The following DGKH variants were observed in gnomAD, a reference collection of about 807,000 sequenced individuals.
DGKH encodes diacylglycerol kinase eta, also known as DAG kinase eta.
A neutral mutation model predicts 159.3 loss-of-function variants in DGKH; 90 were observed. The observed-to-expected ratio is 0.57, with a 90% CI of 0.48 to 0.67. The LOEUF is 0.67. Ranked by LOEUF, DGKH falls within the 30% of genes least tolerant of loss-of-function variation. The pLI, the probability that DGKH is intolerant of heterozygous loss-of-function variation, is 0.00. For synonymous variants in DGKH, 536 were observed against 553.8 expected, an observed-to-expected ratio of 0.97 and a Z score of 0.45; for missense variants, 1,181 against 1,506.1, an observed-to-expected ratio of 0.78 and a Z score of 3.57.
chr13:42,091,096 C>T (rs1186525579), intron 1 of DGKH, among the ~76,000 whole-genome samples: 2 of 152,090 alleles, frequency 1.3e-5, no homozygotes, highest in Non-Finnish European at 2.9e-5. Flanking sequence ...TTTGTTATAG[C>T]AGCACAAATA....
At chr13:42,090,511 A>G (rs1954395747) in intron 1 of DGKH, among the ~76,000 whole-genome samples, 1 of 152,220 alleles carries the variant, frequency 6.6e-6, no homozygotes, top group Non-Finnish European at 1.5e-5. Flanking sequence ...TATAAACTAC[A>G]ATAATGCAAA....
In DGKH at chr13:42,155,284, CT is replaced by C; in HGVS notation, c.385-4del. On this transcript the variant is annotated splice_polypyrimidine_tract_variant and splice_region_variant and intron_variant, in intron 3 of 29. Transcript: ENST00000337343. Reference sequence around the variant, plus strand: ...TAACAATCATTAGATTGAATTATCCCTTTCAGATCATCACTCCATTCAGAAG... The same window carrying C: ...TAACAATCATTAGATTGAATTATCCCTTCAGATCATCACTCCATTCAGAAG... 6.3e-7 allele frequency: 1 copy of C among 1,583,660 alleles called. No homozygotes were observed. Among genetic ancestry groups the C allele is most frequent in the Non-Finnish European group, 8.5e-7 (1 of 1,170,218 alleles).
At chr13:42,051,028 G>C (rs928660266) in intron 1 of DGKH, among the ~76,000 whole-genome samples, 6 of 152,204 alleles carry the variant, frequency 3.9e-5, no homozygotes, top group Admixed American at 6.5e-5. Context: ...AATTTGTTGG[G>C]AGTACCACTG....
chr13:42,077,481 TAA>T (rs762149512), intron 1 of DGKH, among the ~76,000 whole-genome samples: 70 of 152,140 alleles, frequency 4.6e-4, no homozygotes, highest in Non-Finnish European at 8.7e-4. Context: ...CAAGAAAGAA[TAA>T]AGTCATTTAT....
intron 13 of DGKH, chr13:42,181,673 AC>A: frequency 2.5e-6 from 1 of 401,122 alleles, no homozygotes; most frequent in Non-Finnish European, 5.1e-6. Flanking sequence ...TGTTTAAGCC[AC>A]CCCATTCCCA....
chr13:42,151,785 A>T (rs1955911638), intron 3 of DGKH, among the ~76,000 whole-genome samples: 1 of 151,822 alleles, frequency 6.6e-6, no homozygotes, highest in Non-Finnish European at 1.5e-5. Context: ...TAATATAATG[A>T]TTTCTTTTCC....
chr13:42,219,227 T>C lies in DGKH; in HGVS notation c.3214-3T>C, dbSNP rs752303293. 1.2e-6 allele frequency: 2 copies of C among 1,613,458 alleles called. No homozygotes were observed. Among genetic ancestry groups the C allele is most frequent in the South Asian group, 2.2e-5 (2 of 90,914 alleles). On this transcript the variant is annotated splice_region_variant and splice_polypyrimidine_tract_variant and intron_variant, in intron 26 of 29. Transcript: ENST00000337343. ...TTTTGTCTTTTAATCTGCTGGTAAA[T>C]AGCAGCTGGAATCGCCACATGAAGA...
At chr13:42,129,443 A>C (rs1955242535) in intron 2 of DGKH, 109 bp from the exon 3 acceptor site, 2 of 868,088 alleles carry the variant, frequency 2.3e-6, no homozygotes, top group Admixed American at 2.8e-5. Flanking sequence ...CACCAACTTA[A>C]CTTTTTTCCC....
chr13:42,100,491 G>A (rs985130310), intron 1 of DGKH, among the ~76,000 whole-genome samples: 19 of 151,314 alleles, frequency 1.3e-4, no homozygotes, highest in Non-Finnish European at 4.4e-5. Context: ...TCACGAAACC[G>A]GTCCCTGGTG....
At chr13:42,217,297 T>C (rs1279096821) in intron 26 of DGKH, among the ~76,000 whole-genome samples, 1 of 152,196 alleles carries the variant, frequency 6.6e-6, no homozygotes, top group Non-Finnish European at 1.5e-5. Flanking sequence ...TCTGTCGCAG[T>C]AGCGTGATCT....
chr13:42,166,377 A>G, intron 8 of DGKH, 138 bp from the exon 9 acceptor site: 1 of 622,642 alleles, frequency 1.6e-6, no homozygotes, highest in Non-Finnish European at 2.5e-6. Context: ...TAAATAGTTA[A>G]CCTATCTCTA....
chr13:42,199,960 AT>A lies in DGKH; in HGVS notation c.2493+52del, dbSNP rs200347001. On this transcript the variant is annotated intron_variant, in intron 20 of 29. Transcript: ENST00000337343. ...TTTCATATTATCTTACTTAAAAAAA[AT>A]ATCGTTTTGGAGCTAATTTGACCTA... 1,639 of 1,445,966 alleles carry A rather than the reference AT, an allele frequency of 1.1e-3. 24 individuals carry two copies. The African/African-American group carries it at 0.021, about 19-fold the overall frequency. 89.6% of individuals were successfully genotyped at this position (1,445,966 alleles called of 1,614,324 possible). A position where few individuals can be genotyped will look rare whatever the true frequency, so the allele number is the denominator to read the frequency against.
At chr13:42,213,691 T>C (rs970495006) in intron 24 of DGKH, among the ~76,000 whole-genome samples, 1 of 152,326 alleles carries the variant, frequency 6.6e-6, no homozygotes, top group Admixed American at 6.5e-5. Context: ...GTCCCTTTTC[T>C]TGTTCTGTCC....
chr13:42,101,855 A>G (rs1954658257), intron 1 of DGKH, among the ~76,000 whole-genome samples: 1 of 152,166 alleles, frequency 6.6e-6, no homozygotes, highest in Admixed American at 6.6e-5. Context: ...GAAAGACTGG[A>G]TCTGTTGTAG....
intron 1 of DGKH, among the ~76,000 whole-genome samples, chr13:42,074,365 A>ATCC (rs2137701612): frequency 6.6e-6 from 1 of 152,276 alleles, no homozygotes; most frequent in East Asian, 1.9e-4. Flanking sequence ...CAAAATTTCC[A>ATCC]TCCTGAGGAT....
chr13:42,100,458 C>G (rs1954632413), intron 1 of DGKH, among the ~76,000 whole-genome samples: 1 of 152,122 alleles, frequency 6.6e-6, no homozygotes, highest in African/African-American at 2.4e-5. Flanking sequence ...CCCTCCACCC[C>G]CGATCCATGG....
intron 3 of DGKH, among the ~76,000 whole-genome samples, chr13:42,151,196 G>C (rs1358968055): frequency 6.6e-6 from 1 of 152,012 alleles, no homozygotes; most frequent in African/African-American, 2.4e-5. Flanking sequence ...TTGCATAGTG[G>C]TGAAGTCTGG....
Position 42,049,765 on chromosome 13 carries a change from A to G in DGKH, c.192+800A>G, listed in dbSNP as rs527497021. ...GATGGTGTGTTACTCTTGTTAATGA[A>G]GCTTGTGCTGTCGACCTGTGAGGTC... On this transcript the variant is annotated intron_variant, in intron 1 of 29. Coordinates refer to ENST00000337343, the MANE Select transcript of DGKH (RefSeq NM_178009.5). 2.0e-5 allele frequency among the ~76,000 whole-genome samples: 3 copies of G among 152,334 alleles called. No homozygotes were observed. In the East Asian group the frequency reaches 5.8e-4, roughly 29 times the overall value.
At chr13:42,064,337 A>C (rs775298069) in intron 1 of DGKH, among the ~76,000 whole-genome samples, 5 of 152,146 alleles carry the variant, frequency 3.3e-5, no homozygotes, top group Non-Finnish European at 7.3e-5. Flanking sequence ...AGCAGTGTGA[A>C]TATCAAGTTG....
Sources: allele counts gnomAD v4.1 joint callset (sites outside exome capture counted in the v4.1 genomes callset), GRCh38; gene constraint gnomAD v4.1.1; transcripts MANE v1.5; gene names NCBI Gene and HGNC (gene_info 2026-07-23, HGNC 2026-07-21).